The following CRYBG3 variants were observed in gnomAD, a reference collection of about 807,000 sequenced individuals.
CRYBG3 encodes crystallin beta-gamma domain containing 3.
CRYBG3 carries 127 observed loss-of-function variants against 244.2 expected under a neutral mutation model. The observed-to-expected ratio is 0.52, with a 90% CI of 0.45 to 0.60. The LOEUF (loss-of-function observed/expected upper bound fraction) is 0.60, where lower values mean the gene tolerates loss of function less well. Ranked by LOEUF, CRYBG3 falls within the 20% of genes least tolerant of loss-of-function variation. CRYBG3 has a pLI of 0.00. For synonymous variants in CRYBG3, 1,132 were observed against 1,195.8 expected (o/e 0.95, Z 1.10); for missense variants, 3,325 against 3,442.5 (o/e 0.97, Z 0.85).
At chr3:97,860,872 T>C (rs1334305924) in intron 2 of CRYBG3, among the ~76,000 whole-genome samples, 1 of 152,102 alleles carries the variant, frequency 6.6e-6, no homozygotes, top group East Asian at 1.9e-4. Context: ...GCACATCGTA[T>C]ATTGCCAAAC....
chr3:97,858,257 A>G (rs1036864963), intron 2 of CRYBG3, among the ~76,000 whole-genome samples: 1 of 151,488 alleles, frequency 6.6e-6, no homozygotes, highest in Non-Finnish European at 1.5e-5. Flanking sequence ...CTGTTATTCT[A>G]ATGGAGATTC....
chr3:97,852,386 G>C (rs924832743), intron 2 of CRYBG3, among the ~76,000 whole-genome samples: 4 of 152,158 alleles, frequency 2.6e-5, no homozygotes, highest in Non-Finnish European at 5.9e-5. Context: ...CAGGACAGAA[G>C]AACAGTCCAT....
In CRYBG3 at chr3:97,877,548, C is replaced by A; in HGVS notation, c.6354C>A (p.Asn2118Lys). The change falls in exon 4 of 22, where the codon AAC becomes AAA. Residue 2118 changes from asparagine to lysine, a missense_variant. Coordinates refer to ENST00000389622, the MANE Select transcript of CRYBG3 (RefSeq NM_153605.4). ...CCAGGAAATCAAGAGACAGTGAAAA[C>A]CAGTCCTCTTCTGTTTTATCCCTTC... ...HGPRKSRDSE[N>K]QSSSVLSLLQ... 4.3e-6 allele frequency: 7 copies of A among 1,614,054 alleles called. No homozygotes were observed. The highest frequency in any genetic ancestry group is 1.3e-5 in the African/African-American group (1 of 75,000).
At chr3:97,842,050 T>C (rs942203277) in intron 1 of CRYBG3, among the ~76,000 whole-genome samples, 1 of 152,152 alleles carries the variant, frequency 6.6e-6, no homozygotes, top group Non-Finnish European at 1.5e-5. Flanking sequence ...TTAGCAGTTA[T>C]AACTCTTATG....
intron 4 of CRYBG3, among the ~76,000 whole-genome samples, chr3:97,878,526 G>A (rs1167636046): frequency 6.6e-6 from 1 of 152,086 alleles, no homozygotes; most frequent in South Asian, 2.1e-4. Flanking sequence ...ATTTTAGCTG[G>A]ACTACTTAGA....
chr3:97,862,515 T>G (rs1414722811), intron 2 of CRYBG3, among the ~76,000 whole-genome samples: 2 of 152,190 alleles, frequency 1.3e-5, no homozygotes, highest in East Asian at 3.8e-4. Context: ...GGGAGAAATA[T>G]TGTGGCTAAA....
chr3:97,854,365 G>GT, intron 2 of CRYBG3, among the ~76,000 whole-genome samples: 1 of 151,932 alleles, frequency 6.6e-6, no homozygotes, highest in East Asian at 1.9e-4. Context: ...TTTTAGGATT[G>GT]TTTTTTCTAG....
chr3:97,900,600 C>G, intron 15 of CRYBG3, 115 bp downstream of exon 15: 1 of 676,022 alleles, frequency 1.5e-6, no homozygotes. Flanking sequence ...TCTGGCAGAG[C>G]AGATTACAAT....
At chr3:97,830,328 A>G (rs904774984) in intron 1 of CRYBG3, among the ~76,000 whole-genome samples, 1 of 152,052 alleles carries the variant, frequency 6.6e-6, no homozygotes, top group African/African-American at 2.4e-5. Flanking sequence ...AGTTTACCCC[A>G]TGACTTCCAA....
At chr3:97,868,197 T>G (rs565046583) in intron 3 of CRYBG3, among the ~76,000 whole-genome samples, 29 of 148,732 alleles carry the variant, frequency 1.9e-4, no homozygotes, top group Non-Finnish European at 4.0e-4. Flanking sequence ...GGCAGGAGAA[T>G]GGCGTGAACC....
chr3:97,907,117 T>G (rs1386044386), intron 15 of CRYBG3, among the ~76,000 whole-genome samples: 4 of 152,192 alleles, frequency 2.6e-5, no homozygotes, highest in South Asian at 2.1e-4. Context: ...TGGTGGATAA[T>G]CTTTTTGATG....
chr3:97,915,764 T>C (rs1271491021), intron 17 of CRYBG3, 28 bp downstream of exon 17: 5 of 1,554,368 alleles, frequency 3.2e-6, no homozygotes, highest in Non-Finnish European at 4.4e-6. Flanking sequence ...TGCATACTTA[T>C]AAGATTCTTT....
intron 17 of CRYBG3, among the ~76,000 whole-genome samples, chr3:97,921,379 C>T (rs530834919): frequency 6.6e-6 from 1 of 152,208 alleles, no homozygotes; most frequent in South Asian, 2.1e-4. Context: ...TTCTGTCACT[C>T]TTATGTCCCC....
intron 12 of CRYBG3, among the ~76,000 whole-genome samples, chr3:97,897,696 TTGTTTATAATTTTTCACTATTGTAAATAA>T (rs1167857297): frequency 2.0e-5 from 3 of 152,148 alleles, no homozygotes; most frequent in Non-Finnish European, 4.4e-5. Context: ...CATACTTACA[TTGTTTATAATTTTTCACTATTGTAAATAA>T]TGCATTTTTG....
At chr3:97,900,523 T>C in intron 15 of CRYBG3, 38 bp downstream of exon 15, 1 of 1,299,908 alleles carries the variant, frequency 7.7e-7, no homozygotes, top group Non-Finnish European at 1.1e-6. Context: ...TTAAATTGTT[T>C]ACTAAAAGCA....
chr3:97,872,705 C>G lies in CRYBG3; in HGVS notation c.1511C>G (p.Thr504Arg), dbSNP rs188192880. Residue 504 changes from threonine (T) to arginine (R), a missense_variant, in exon 4 of 22, where the codon ACA becomes AGA. Physicochemically the swap from Thr to Arg is moderately conservative, Grantham distance 71 (BLOSUM62 -1). Transcript: ENST00000389622. ...CTTCAGAGACATGCTGTGACAGACACAGAATTTGTAAATGAAGGAAAGAGA... is the reference window on the plus strand; with the variant it reads ...CTTCAGAGACATGCTGTGACAGACAGAGAATTTGTAAATGAAGGAAAGAGA... The part of the protein sequence containing the change: ...IALQRHAVTD[T>R]EFVNEGKRLS... The G allele has an allele frequency of 1.7e-4, 262 of 1,535,886 alleles. 1 individual carries two copies. The East Asian group carries it at 6.3e-3, about 37-fold the overall frequency.
In CRYBG3 at chr3:97,877,568, C is replaced by G; in HGVS notation, c.6374C>G (p.Ser2125Cys). The G allele has an allele frequency of 6.2e-7, 1 of 1,614,072 alleles. No homozygotes were observed. Among genetic ancestry groups the G allele is most frequent in the East Asian group, 2.2e-5 (1 of 44,878 alleles). Residue 2125 changes from serine (S) to cysteine (C), a missense_variant, in exon 4 of 22, where the codon TCC (serine) becomes TGC (cysteine). This residue lies in a region of CRYBG3 where 450 missense variants were observed against 424.1 expected (regional missense o/e 1.06). Transcript: ENST00000389622. Reference sequence around the variant, plus strand: ...GAAAACCAGTCCTCTTCTGTTTTATCCCTTCTCCAGTCAGTGTCAGAACGT... The same window carrying G: ...GAAAACCAGTCCTCTTCTGTTTTATGCCTTCTCCAGTCAGTGTCAGAACGT... ...DSENQSSSVL[S>C]LLQSVSERLK...
intron 1 of CRYBG3, among the ~76,000 whole-genome samples, chr3:97,842,663 T>G (rs1187068054): frequency 2.0e-5 from 3 of 152,146 alleles, no homozygotes; most frequent in Non-Finnish European, 2.9e-5. Context: ...AAGTAACTAT[T>G]TGGGAAATCA....
intron 21 of CRYBG3, chr3:97,942,689 G>A (rs1460977882): frequency 2.9e-6 from 1 of 349,186 alleles, no homozygotes; most frequent in Non-Finnish European, 5.1e-6. Flanking sequence ...CGTGAACTCA[G>A]AACAGTTCTA....
Sources: gnomAD v4.1 joint callset for allele counts (sites outside exome capture counted in the v4.1 genomes callset) on GRCh38, gnomAD v4.1.1 for gene constraint, gnomAD v4.1.1 regional missense constraint, MANE v1.5 for transcripts, NCBI Gene and HGNC (gene_info 2026-07-23, HGNC 2026-07-21) for gene names.